GON4L: variants seen among roughly 807,000 people sequenced by gnomAD.
GON4L encodes the protein gon-4 like, also known as GON-4-like protein.
GON4L carries 87 observed loss-of-function variants against 211.8 expected under a neutral mutation model. That is an observed-to-expected ratio of 0.41 (90% CI 0.35 to 0.49). GON4L has a LOEUF of 0.49. Ranked by LOEUF, GON4L falls within the 20% of genes least tolerant of loss-of-function variation. The pLI, the probability that GON4L is intolerant of heterozygous loss-of-function variation, is 0.15. For missense variants in GON4L, 2,155 were observed against 2,659.5 expected, an observed-to-expected ratio of 0.81 and a Z score of 4.17; for synonymous variants, 875 against 962.6, an observed-to-expected ratio of 0.91 and a Z score of 1.68.
chr1:155,813,785 G>A lies in GON4L; in HGVS notation c.1301C>T (p.Pro434Leu). The change falls in exon 10 of 32, where the codon CCA (proline) becomes CTA (leucine). Residue 434 changes from proline (P) to leucine (L), a missense_variant. Pro to Leu is a moderately conservative substitution (Grantham distance 98, BLOSUM62 -3). Coordinates refer to ENST00000368331, the MANE Select transcript of GON4L (RefSeq NM_001282860.2). ...CTCAGCACTGATGTGCCTGATGGCT[G>A]GTGTGGTGACTTTCTCAGCCTGATT... Reference protein sequence around the residue: ...ILSEAEKVTTPAIRHISAEVV... With the variant: ...ILSEAEKVTTLAIRHISAEVV... The A allele has an allele frequency of 6.2e-7, 1 of 1,613,950 alleles. No individual in the cohort carries two copies. Among genetic ancestry groups the A allele is most frequent in the Non-Finnish European group, 8.5e-7 (1 of 1,179,896 alleles).
At chr1:155,748,213 T>C (rs1660332848), downstream of GON4L, 1 of 1,412,694 alleles carries the variant, frequency 7.1e-7, no homozygotes, top group East Asian at 2.3e-5. Context: ...ACTGGCTCTG[T>C]TCCTGAGGCC....
chr1:155,776,526 T>TCCA, intron 15 of GON4L, 45 bp from the exon 16 acceptor site: 2 of 1,369,414 alleles, frequency 1.5e-6, no homozygotes, highest in Non-Finnish European at 2.1e-6. Flanking sequence ...TACCACATTG[T>TCCA]CATTTCAGGA....
chr1:155,764,597 G>A (rs1662230894), intron 21 of GON4L: 1 of 405,144 alleles, frequency 2.5e-6, no homozygotes, highest in Non-Finnish European at 4.6e-6. Flanking sequence ...CCGCCACCAT[G>A]CCTGGCTAAT....
chr1:155,786,199 T>TAG (rs933486445), intron 12 of GON4L, among the ~76,000 whole-genome samples: 3 of 151,262 alleles, frequency 2.0e-5, no homozygotes, highest in East Asian at 2.0e-4. Context: ...GAAAGAGAGA[T>TAG]AGAGAGAGAG....
chr1:155,829,553 T>A (rs755809466), intron 2 of GON4L, among the ~76,000 whole-genome samples: 11 of 152,190 alleles, frequency 7.2e-5, no homozygotes, highest in Non-Finnish European at 1.3e-4. Flanking sequence ...TGAGCCAAGG[T>A]TGCAGTGAGC....
chr1:155,835,979 C>T (rs1164946886), intron 2 of GON4L, among the ~76,000 whole-genome samples: 1 of 152,210 alleles, frequency 6.6e-6, no homozygotes, highest in Non-Finnish European at 1.5e-5. Context: ...CACCGTGGCT[C>T]ACGCCTGTAA....
At chr1:155,832,371 G>T (rs372422450) in intron 2 of GON4L, among the ~76,000 whole-genome samples, 4 of 151,888 alleles carry the variant, frequency 2.6e-5, no homozygotes, top group African/African-American at 9.7e-5. Context: ...GCCTAGCGCA[G>T]TGGCTCACAC....
intron 28 of GON4L, chr1:155,754,045 C>T (rs1660885959): frequency 1.6e-5 from 6 of 372,362 alleles, no homozygotes; most frequent in South Asian, 1.3e-4. Context: ...TTTTTCCTGC[C>T]AACCAACTCC....
intron 2 of GON4L, among the ~76,000 whole-genome samples, chr1:155,828,153 G>GAC (rs1669390286): frequency 4.1e-5 from 2 of 48,522 alleles, no homozygotes; most frequent in Non-Finnish European, 1.2e-4. Flanking sequence ...GCAAGACACT[G>GAC]TCACACACAC....
intron 2 of GON4L, 66 bp downstream of exon 2, chr1:155,853,210 A>T: frequency 8.0e-7 from 1 of 1,253,730 alleles, no homozygotes; most frequent in Non-Finnish European, 1.2e-6. Context: ...CTGTAAAGGT[A>T]TCCAGAAATA....
chr1:155,764,709 G>A (rs1284382851), intron 21 of GON4L: 1 of 828,528 alleles, frequency 1.2e-6, no homozygotes, highest in Non-Finnish European at 1.9e-6. Context: ...AAAGTGCTGG[G>A]ACTACAGGAG....
In GON4L at chr1:155,765,627, C is replaced by A. The variant is rs533917240; in HGVS notation, c.3846G>T (p.Leu1282Phe). 5 of 1,614,188 alleles carry A rather than the reference C, an allele frequency of 3.1e-6. No homozygotes were observed. Among genetic ancestry groups the A allele is most frequent in the Non-Finnish European group, 4.2e-6 (5 of 1,180,030 alleles). The change falls in exon 21 of 32, where the codon TTG becomes TTT. Residue 1282 changes from leucine to phenylalanine, a missense_variant. This residue lies in a region of GON4L where 615 missense variants were observed against 625.7 expected (regional missense o/e 0.98). Coordinates refer to ENST00000368331, the MANE Select transcript of GON4L (RefSeq NM_001282860.2). Reference protein sequence around the residue: ...PLADAECQEGLSENSACRWTV... With the variant: ...PLADAECQEGFSENSACRWTV... ...TCCAGCGACAGGCACTATTCTCTGA[C>A]AATCCTTCTTGGCACTCTGCATCTG...
chr1:155,813,619 A>G lies in GON4L; in HGVS notation c.1452+15T>C. 1 of 1,593,188 alleles carries G rather than the reference A, an allele frequency of 6.3e-7. No homozygotes were observed. The highest frequency in any genetic ancestry group is 1.3e-5 in the African/African-American group (1 of 74,642). ...CCACTTGACTTTCTCAGTTAAGTAC[A>G]GTTTTAATATTTACCTGGAAAGAAT... On this transcript the variant is annotated intron_variant, in intron 10 of 31. Coordinates refer to ENST00000368331, the MANE Select transcript of GON4L (RefSeq NM_001282860.2).
At chr1:155,804,528 T>C (rs895270741) in intron 11 of GON4L, among the ~76,000 whole-genome samples, 5 of 152,010 alleles carry the variant, frequency 3.3e-5, no homozygotes, top group African/African-American at 1.2e-4. Context: ...CTCATGCCTA[T>C]AATTCTAGCA....
At chr1:155,764,943 T>C (rs773265723) in intron 21 of GON4L, 57 bp downstream of exon 21, 4 of 1,613,946 alleles carry the variant, frequency 2.5e-6, no homozygotes, top group Non-Finnish European at 3.4e-6. Context: ...GGCATATCAA[T>C]AAGTGATACA....
In GON4L at chr1:155,775,128, G is replaced by A; in HGVS notation, c.2224C>T (p.Gln742Ter). Residue 742 changes from glutamine (Q) to a stop codon, truncating the protein, a stop_gained, in exon 17 of 32, where the codon CAG (glutamine) becomes TAG (stop). Transcript: ENST00000368331. LOFTEE classifies it high-confidence loss of function. ...AGGGTCTGAAACTTGGGGTTGTACT[G>A]ATGGTGAAGGGCGATGGAGCTTTGA... ...FAQSSIALHH[Q>*]YNPKFQTLFQ... 6.2e-7 allele frequency: 1 copy of A among 1,614,178 alleles called. No homozygotes were observed. The highest frequency in any genetic ancestry group is 8.5e-7 in the Non-Finnish European group (1 of 1,180,020).
chr1:155,776,130 T>C (rs186425452), intron 16 of GON4L, among the ~76,000 whole-genome samples: 191 of 152,218 alleles, frequency 1.3e-3, no homozygotes, highest in African/African-American at 4.2e-3. Flanking sequence ...AGAAGTTAGG[T>C]TGGATCTAAA....
At chr1:155,794,099 C>T (rs822014) in intron 12 of GON4L, among the ~76,000 whole-genome samples, 142,269 of 151,994 alleles carry the variant, frequency 0.94, 67,348 homozygotes, top group East Asian at 1. Context: ...TCAGGCGGAG[C>T]CTTGCTCTGT....
intron 6 of GON4L, among the ~76,000 whole-genome samples, chr1:155,816,906 C>T (rs937381152): frequency 1.3e-5 from 2 of 150,794 alleles, no homozygotes; most frequent in African/African-American, 4.9e-5. Context: ...CAAAATATTA[C>T]TCTTGGAATT....
Sources: allele counts gnomAD v4.1 joint callset (sites outside exome capture counted in the v4.1 genomes callset), GRCh38; gene constraint gnomAD v4.1.1; regional missense constraint gnomAD v4.1.1; transcripts MANE v1.5; gene names NCBI Gene and HGNC (gene_info 2026-07-23, HGNC 2026-07-21).